Variants in ARK2N observed in about 807,000 individuals in gnomAD.
ARK2N encodes the protein arkadia (RNF111) N-terminal like PKA signaling regulator 2N, also known as protein ARK2N.
At chr18:46,179,729 G>T in the ARK2N span, among the ~76,000 whole-genome samples, 1 of 151,620 alleles carries the variant, frequency 6.6e-6, no homozygotes, top group Admixed American at 6.6e-5. Flanking sequence ...GGGTTCAAGC[G>T]ATTCTCCTGC....
the ARK2N span, among the ~76,000 whole-genome samples, chr18:46,185,253 G>A: frequency 1.3e-5 from 2 of 152,166 alleles, no homozygotes; most frequent in East Asian, 3.8e-4. Flanking sequence ...CAACATAGAG[G>A]GCTGAGGGAG....
the ARK2N span, among the ~76,000 whole-genome samples, chr18:46,257,401 A>G: frequency 6.6e-6 from 1 of 151,416 alleles, no homozygotes; most frequent in Non-Finnish European, 1.5e-5. Flanking sequence ...ATTTTGATGT[A>G]TTCATTTCTC....
At chr18:46,212,990 ATTTTTTTT>A in the ARK2N span, among the ~76,000 whole-genome samples, 80 of 80,528 alleles carry the variant, frequency 9.9e-4, no homozygotes, top group African/African-American at 3.3e-3. Context: ...TTTAAGAAGA[ATTTTTTTT>A]TTTTTTTTTT....
the ARK2N span, chr18:46,232,445 C>T: frequency 2.0e-5 from 3 of 152,076 alleles, no homozygotes; most frequent in Non-Finnish European, 4.4e-5. Flanking sequence ...AATACAGTGT[C>T]AAAACAATTT....
chr18:46,255,440 CTTTTCTTTTTT>C, the ARK2N span, among the ~76,000 whole-genome samples: 4 of 108,916 alleles, frequency 3.7e-5, no homozygotes, highest in Non-Finnish European at 7.1e-5. Context: ...CTTTTCTTTT[CTTTTCTTTTTT>C]TTTTTTTTTT....
chr18:46,238,863 G>C, the ARK2N span, among the ~76,000 whole-genome samples: 1 of 152,180 alleles, frequency 6.6e-6, no homozygotes, highest in African/African-American at 2.4e-5. Context: ...CATTGGCACA[G>C]ATGCATTCCT....
the ARK2N span, among the ~76,000 whole-genome samples, chr18:46,182,010 A>G: frequency 6.6e-6 from 1 of 152,234 alleles, no homozygotes; most frequent in African/African-American, 2.4e-5. Flanking sequence ...GTTTAAAAAA[A>G]TGACCTTTAC....
the ARK2N span, among the ~76,000 whole-genome samples, chr18:46,237,362 C>T: frequency 6.7e-6 from 1 of 149,998 alleles, no homozygotes; most frequent in Non-Finnish European, 1.5e-5. Context: ...TATAGTAGCT[C>T]AGAGTGCAAA....
the ARK2N span, among the ~76,000 whole-genome samples, chr18:46,198,324 A>G: frequency 1.3e-5 from 2 of 149,926 alleles, no homozygotes; most frequent in East Asian, 3.9e-4. Context: ...AAAAAAAAAA[A>G]AAAAAAAAAG....
the ARK2N span, among the ~76,000 whole-genome samples, chr18:46,255,454 T>C: frequency 6.9e-5 from 9 of 130,020 alleles, no homozygotes; most frequent in Non-Finnish European, 1.3e-4. Context: ...TCTTTTTTTT[T>C]TTTTTTTTTT....
chr18:46,259,522 G>A, the ARK2N span, among the ~76,000 whole-genome samples: 17 of 151,982 alleles, frequency 1.1e-4, no homozygotes, highest in South Asian at 1.0e-3. Context: ...GATTACAGGC[G>A]TGAGCCACCG....
At chr18:46,239,742 G>A in the ARK2N span, among the ~76,000 whole-genome samples, 2 of 152,076 alleles carry the variant, frequency 1.3e-5, no homozygotes, top group East Asian at 3.8e-4. Context: ...GGAATTCAGT[G>A]TAACATTGTT....
the ARK2N span, among the ~76,000 whole-genome samples, chr18:46,247,152 C>G: frequency 1.3e-5 from 2 of 151,636 alleles, no homozygotes; most frequent in South Asian, 4.2e-4. Flanking sequence ...TTAGAAGAAT[C>G]TGAAATATTG....
chr18:46,262,605 C>G, the ARK2N span, among the ~76,000 whole-genome samples: 1 of 152,074 alleles, frequency 6.6e-6, no homozygotes, highest in Non-Finnish European at 1.5e-5. Flanking sequence ...TATGTGTTGC[C>G]CTATCATGAA....
At chr18:46,178,117 T>C in the ARK2N span, among the ~76,000 whole-genome samples, 1 of 152,160 alleles carries the variant, frequency 6.6e-6, no homozygotes, top group African/African-American at 2.4e-5. Context: ...ACCAAAGTCA[T>C]GATTATCAGT....
At chr18:46,260,675 G>A in the ARK2N span, among the ~76,000 whole-genome samples, 1 of 152,194 alleles carries the variant, frequency 6.6e-6, no homozygotes, top group East Asian at 1.9e-4. Context: ...TCCTATGCCA[G>A]ACACTTTCTA....
At chr18:46,191,501 G>A in the ARK2N span, among the ~76,000 whole-genome samples, 5 of 152,104 alleles carry the variant, frequency 3.3e-5, no homozygotes, top group South Asian at 2.1e-4. Context: ...ATTAAAGTTC[G>A]TAGTTAACAT....
At chr18:46,228,124 C>A in the ARK2N span, among the ~76,000 whole-genome samples, 1 of 151,800 alleles carries the variant, frequency 6.6e-6, no homozygotes, top group Admixed American at 6.5e-5. Flanking sequence ...AGTTTTACAT[C>A]AACAGGAAGA....
chr18:46,261,245 G>GC, the ARK2N span, among the ~76,000 whole-genome samples: 1 of 152,298 alleles, frequency 6.6e-6, no homozygotes, highest in South Asian at 2.1e-4. Context: ...CATCTGTAAA[G>GC]CAACAACATG....
Sources: gnomAD v4.1 joint callset for allele counts (sites outside exome capture counted in the v4.1 genomes callset) on GRCh38, gnomAD v4.1.1 for gene constraint, MANE v1.5 for transcripts, NCBI Gene and HGNC (gene_info 2026-07-23, HGNC 2026-07-21) for gene names.